DGKI: variants seen among roughly 807,000 people sequenced by gnomAD.
DGKI encodes the protein diacylglycerol kinase iota, also known as DAG kinase iota.
DGKI carries 55 observed loss-of-function variants against 147.5 expected under a neutral mutation model. The ratio of observed to expected loss-of-function variants is 0.37; its 90% confidence interval spans 0.30 to 0.47. DGKI has a LOEUF of 0.47. DGKI is among the 20% of genes least tolerant of loss of function. The pLI, the probability that DGKI is intolerant of heterozygous loss-of-function variation, is 1.00. For missense variants in DGKI, 1,007 were observed against 1,323.8 expected, an observed-to-expected ratio of 0.76 and a Z score of 3.71; for synonymous variants, 469 against 477.1, an observed-to-expected ratio of 0.98 and a Z score of 0.22.
At chr7:137,752,342 AAG>A (rs1196214196) in intron 1 of DGKI, among the ~76,000 whole-genome samples, 8 of 152,308 alleles carry the variant, frequency 5.3e-5, no homozygotes, top group African/African-American at 1.9e-4. Flanking sequence ...TTAGTCTACA[AAG>A]AGGGAAAAGG....
At chr7:137,681,482 G>A (rs1823234382) in intron 2 of DGKI, among the ~76,000 whole-genome samples, 1 of 152,088 alleles carries the variant, frequency 6.6e-6, no homozygotes, top group Non-Finnish European at 1.5e-5. Flanking sequence ...TCTACTACTG[G>A]GAACTTTTCT....
At chr7:137,654,533 A>G (rs1822150796) in intron 5 of DGKI, among the ~76,000 whole-genome samples, 199 bp downstream of exon 5, 1 of 152,252 alleles carries the variant, frequency 6.6e-6, no homozygotes, top group East Asian at 1.9e-4. Context: ...AGTACATTTT[A>G]TGAGAATAAA....
At chr7:137,620,135 A>G (rs1159681922) in intron 7 of DGKI, among the ~76,000 whole-genome samples, 195 bp from the exon 8 acceptor site, 1 of 152,016 alleles carries the variant, frequency 6.6e-6, no homozygotes, top group East Asian at 1.9e-4. Context: ...TGCTTTCCTC[A>G]TCACCACCCA....
At chr7:137,562,088 G>A (rs963634251) in intron 19 of DGKI, among the ~76,000 whole-genome samples, 7 of 152,202 alleles carry the variant, frequency 4.6e-5, no homozygotes, top group African/African-American at 1.7e-4. Context: ...AGGAAGGAGT[G>A]AATAGCACTG....
chr7:137,698,149 T>G (rs1284585598), intron 1 of DGKI, among the ~76,000 whole-genome samples: 3 of 151,096 alleles, frequency 2.0e-5, no homozygotes, highest in Non-Finnish European at 2.9e-5. Context: ...ACTCCAAATA[T>G]ATATATATAT....
At chr7:137,604,703 T>C (rs1820111519) in intron 10 of DGKI, among the ~76,000 whole-genome samples, 1 of 152,086 alleles carries the variant, frequency 6.6e-6, no homozygotes, top group African/African-American at 2.4e-5. Context: ...AGAATCATCC[T>C]AGAGGTCAGA....
intron 2 of DGKI, among the ~76,000 whole-genome samples, chr7:137,679,677 A>C (rs370687790): frequency 3.9e-5 from 6 of 152,206 alleles, no homozygotes; most frequent in African/African-American, 1.4e-4. Flanking sequence ...ACTATGGACT[A>C]AACTGTGTCT....
At chr7:137,638,786 T>G (rs1459860382) in intron 6 of DGKI, among the ~76,000 whole-genome samples, 1 of 150,824 alleles carries the variant, frequency 6.6e-6, no homozygotes, top group Non-Finnish European at 1.5e-5. Context: ...AGATATTTAT[T>G]ATGTTGTATG....
intron 20 of DGKI, among the ~76,000 whole-genome samples, chr7:137,531,517 T>C (rs1172903304): frequency 6.6e-6 from 1 of 152,162 alleles, no homozygotes; most frequent in Non-Finnish European, 1.5e-5. Flanking sequence ...AAGGAGCAGT[T>C]GGGCTTGAAC....
chr7:137,788,024 T>TA (rs897740123), intron 1 of DGKI, among the ~76,000 whole-genome samples: 1 of 152,244 alleles, frequency 6.6e-6, no homozygotes, highest in African/African-American at 2.4e-5. Context: ...ACCTGTTCCC[T>TA]AAAAACCTAT....
In DGKI at chr7:137,383,568, A is replaced by G. The variant is rs1203016005; in HGVS notation, c.*7652T>C. On this transcript the variant is annotated 3_prime_UTR_variant, in exon 33 of 33. Transcript: ENST00000614521. ...TCTAGTCCAAGATCTCTCACAATTA[A>G]AGATATGCCTTTGATCTCTGAGTTA... The G allele has an allele frequency of 6.6e-6, 1 of 151,952 alleles. No individual in the cohort carries two copies. Among genetic ancestry groups the G allele is most frequent in the Non-Finnish European group, 1.5e-5 (1 of 67,928 alleles). 9.4% of individuals were successfully genotyped at this position (151,952 alleles called of 1,614,324 possible).
At chr7:137,508,527 A>T (rs1055452149) in intron 21 of DGKI, among the ~76,000 whole-genome samples, 1 of 151,984 alleles carries the variant, frequency 6.6e-6, no homozygotes, top group Admixed American at 6.6e-5. Flanking sequence ...TGCCCGGCCG[A>T]CAGGTTTCTT....
At chr7:137,456,556 A>G (rs1814215336) in intron 27 of DGKI, among the ~76,000 whole-genome samples, 1 of 152,182 alleles carries the variant, frequency 6.6e-6, no homozygotes, top group Admixed American at 6.5e-5. Context: ...TTGGTCATCC[A>G]AGGAACTCAC....
intron 1 of DGKI, among the ~76,000 whole-genome samples, chr7:137,747,043 C>G (rs949128104): frequency 6.6e-6 from 1 of 152,122 alleles, no homozygotes; most frequent in African/African-American, 2.4e-5. Flanking sequence ...GAATTTATTT[C>G]TAGCGATTTG....
chr7:137,459,836 T>C (rs1814361391), intron 27 of DGKI, among the ~76,000 whole-genome samples: 1 of 152,160 alleles, frequency 6.6e-6, no homozygotes, highest in East Asian at 1.9e-4. Flanking sequence ...ATTTCTCTCA[T>C]TATCTTTATC....
At position 137,384,288 on chromosome 7, in the gene DGKI, T is replaced by C. The variant is rs1811125888; in HGVS notation, c.*6932A>G. 6.6e-6 allele frequency: 1 copy of C among 152,060 alleles called. No homozygotes were observed. The highest frequency in any genetic ancestry group is 1.5e-5 in the Non-Finnish European group (1 of 67,948). 9.4% of individuals were successfully genotyped at this position (152,060 alleles called of 1,614,324 possible). A position where few individuals can be genotyped will look rare whatever the true frequency, so the allele number is the denominator to read the frequency against. On this transcript the variant is annotated 3_prime_UTR_variant, in exon 33 of 33. Coordinates refer to ENST00000614521, the MANE Select transcript of DGKI (RefSeq NM_001321708.2). ...ATGCAAACATTAGACTTTTCTTTGC[T>C]TGAACTATGTACAAGCTGACAAGCC...
intron 3 of DGKI, among the ~76,000 whole-genome samples, chr7:137,664,002 G>A (rs533384110): frequency 1.4e-4 from 22 of 152,240 alleles, no homozygotes; most frequent in Non-Finnish European, 2.6e-4. Context: ...AGACATTCTC[G>A]TAATAAGCAA....
At chr7:137,424,845 C>T (rs1256986249) in intron 28 of DGKI, among the ~76,000 whole-genome samples, 10 of 152,226 alleles carry the variant, frequency 6.6e-5, no homozygotes, top group South Asian at 2.1e-4. Context: ...GAGGGGCACC[C>T]GCCATTGCCC....
At chr7:137,635,626 T>G (rs1255058135) in intron 6 of DGKI, among the ~76,000 whole-genome samples, 1 of 152,218 alleles carries the variant, frequency 6.6e-6, no homozygotes, top group Non-Finnish European at 1.5e-5. Context: ...TATCACGGCC[T>G]ACACCATCCA....
Sources: gnomAD v4.1 joint callset for allele counts (sites outside exome capture counted in the v4.1 genomes callset) on GRCh38, gnomAD v4.1.1 for gene constraint, MANE v1.5 for transcripts, NCBI Gene and HGNC (gene_info 2026-07-23, HGNC 2026-07-21) for gene names.